The following GNG4 variants were observed in gnomAD, a reference collection of about 807,000 sequenced individuals.
GNG4 encodes guanine nucleotide-binding protein G(I)/G(S)/G(O) subunit gamma-4.
GNG4 carries 4 observed loss-of-function variants against 5.8 expected under a neutral mutation model. The ratio of observed to expected loss-of-function variants is 0.69; its 90% CI spans 0.34 to 1.57. The LOEUF is 1.57. GNG4 is among the 40% of genes most tolerant of loss of function. The pLI is 0.06. For synonymous variants in GNG4, 29 were observed against 32.9 expected (o/e 0.88, Z 0.41); for missense variants, 96 against 95.1 (o/e 1.01, Z -0.04).
chr1:235,594,576 G>A (rs57543963), intron 2 of GNG4, among the ~76,000 whole-genome samples: 32,204 of 152,196 alleles, frequency 0.21, 3,868 homozygotes, highest in Middle Eastern at 0.3. Context: ...GCCCTGCCCC[G>A]CAGGGAGGCA....
At chr1:235,630,997 C>T (rs1191750210) in intron 1 of GNG4, among the ~76,000 whole-genome samples, 1 of 151,966 alleles carries the variant, frequency 6.6e-6, no homozygotes, top group African/African-American at 2.4e-5. Flanking sequence ...CTCCCAGGTT[C>T]AAGCGATTCT....
intron 1 of GNG4, among the ~76,000 whole-genome samples, chr1:235,607,659 G>A (rs74148724): frequency 3.9e-5 from 6 of 152,166 alleles, no homozygotes; most frequent in Non-Finnish European, 8.8e-5. Flanking sequence ...ATCCATCCAC[G>A]CCGCCCAGCC....
intron 3 of GNG4, among the ~76,000 whole-genome samples, chr1:235,567,420 C>T (rs534795903): frequency 6.6e-6 from 1 of 152,216 alleles, no homozygotes; most frequent in Admixed American, 6.5e-5. Context: ...CATCCGTCTC[C>T]AGAACTTGCA....
intron 2 of GNG4, among the ~76,000 whole-genome samples, chr1:235,590,284 C>T (rs370864970): frequency 1.3e-5 from 2 of 152,082 alleles, no homozygotes; most frequent in African/African-American, 2.4e-5. Flanking sequence ...GTGAAATCCC[C>T]TCTTTACTAA....
At chr1:235,606,022 C>T (rs1276312111) in intron 1 of GNG4, among the ~76,000 whole-genome samples, 2 of 151,814 alleles carry the variant, frequency 1.3e-5, no homozygotes, top group South Asian at 2.1e-4. Context: ...GATCCTCTGG[C>T]CTCAGCCTCC....
At chr1:235,587,149 T>A (rs1687777957) in intron 2 of GNG4, among the ~76,000 whole-genome samples, 1 of 137,738 alleles carries the variant, frequency 7.3e-6, no homozygotes, top group African/African-American at 2.8e-5. Context: ...TGTGAAAGTG[T>A]GGGGTGGGGG....
At chr1:235,573,071 C>T (rs1687384778) in intron 3 of GNG4, among the ~76,000 whole-genome samples, 1 of 152,010 alleles carries the variant, frequency 6.6e-6, no homozygotes, top group Non-Finnish European at 1.5e-5. Flanking sequence ...AGACTTGGAA[C>T]CAACCCAAAT....
chr1:235,560,646 G>A (rs1008712825), intron 3 of GNG4, among the ~76,000 whole-genome samples: 2 of 152,218 alleles, frequency 1.3e-5, no homozygotes, highest in Admixed American at 6.5e-5. Context: ...ACACGAAGAA[G>A]TTTCTCAGAA....
intron 3 of GNG4, among the ~76,000 whole-genome samples, chr1:235,568,155 G>GC (rs1687245922): frequency 6.7e-5 from 5 of 75,024 alleles, no homozygotes. Context: ...TAATAAATCT[G>GC]CTTTTTTTTT....
At chr1:235,615,118 A>G (rs922349138) in intron 1 of GNG4, 2 of 152,194 alleles carry the variant, frequency 1.3e-5, no homozygotes, top group African/African-American at 2.4e-5. Context: ...GCTGAGCACA[A>G]TTGAAGTGTG....
chr1:235,619,018 G>C (rs1033219740), intron 1 of GNG4, among the ~76,000 whole-genome samples: 2 of 150,342 alleles, frequency 1.3e-5, no homozygotes, highest in Admixed American at 1.3e-4. Flanking sequence ...GGCAGCATCA[G>C]CTGGGTGTGG....
intron 3 of GNG4, among the ~76,000 whole-genome samples, chr1:235,583,337 T>G (rs752219989): frequency 3.3e-5 from 5 of 152,202 alleles, no homozygotes; most frequent in Non-Finnish European, 5.9e-5. Context: ...CACCCAGGCA[T>G]GGTTCAGAGC....
intron 3 of GNG4, among the ~76,000 whole-genome samples, chr1:235,577,366 C>T (rs1687511815): frequency 6.6e-6 from 1 of 152,184 alleles, no homozygotes; most frequent in Non-Finnish European, 1.5e-5. Flanking sequence ...TGCACATTCA[C>T]CTGCTAGGCA....
rs1041679280 is a variant in GNG4 at position 235,644,851 on chromosome 1, C to T, written c.-123+4811G>A. Among the ~76,000 whole-genome samples, 3 of 152,114 alleles carry T rather than the reference C, an allele frequency of 2.0e-5. No individual in the cohort carries two copies. Among genetic ancestry groups the T allele is most frequent in the Non-Finnish European group, 4.4e-5 (3 of 68,022 alleles). On this transcript the variant is annotated intron_variant, in intron 1 of 3. Transcript: ENST00000391854. This position sits in a 1 kb window ranked among gnomAD's most constrained non-coding sequence, Gnocchi z 5.9. The stretch of plus-strand genomic sequence containing the variant: ...CCTCAGATCGGGCTGGAGAGACATC[C>T]AGGAGGAGGATGCCAGTTGTTGGGT...
chr1:235,626,785 C>G (rs1026474276), intron 1 of GNG4, among the ~76,000 whole-genome samples: 1 of 151,818 alleles, frequency 6.6e-6, no homozygotes, highest in African/African-American at 2.4e-5. Flanking sequence ...ATGGTGAAAC[C>G]CTGTCTCTAC....
chr1:235,588,239 A>T (rs1232208047), intron 2 of GNG4, among the ~76,000 whole-genome samples: 1 of 151,982 alleles, frequency 6.6e-6, no homozygotes, highest in Non-Finnish European at 1.5e-5. Flanking sequence ...CTGGAGATAA[A>T]ATAAGCGGGT....
rs531961043 is a variant in GNG4, at chr1:235,581,685, A to G, written c.99+2055T>C. On this transcript the variant is annotated intron_variant, in intron 3 of 3. Coordinates refer to ENST00000391854, the MANE Select transcript of GNG4 (RefSeq NM_001098722.2). ...CAGATACAGGCATCATGCTTGCTGG[A>G]CCACCTGTGGAACCACAGGCCAATT... is the stretch of plus-strand genomic sequence containing the variant. Among the ~76,000 whole-genome samples the G allele has an allele frequency of 1.7e-4, 26 of 152,080 alleles. No individual in the cohort carries two copies. In the East Asian group the frequency reaches 4.6e-3, roughly 27 times the overall value.
chr1:235,589,347 G>T (rs189701636), intron 2 of GNG4, among the ~76,000 whole-genome samples: 414 of 152,252 alleles, frequency 2.7e-3, no homozygotes, highest in South Asian at 6.4e-3. Flanking sequence ...TGCTGACCCC[G>T]AAGGCAGGGG....
At chr1:235,637,653 CAAAA>C (rs5781837) in intron 1 of GNG4, among the ~76,000 whole-genome samples, 22,906 of 116,244 alleles carry the variant, frequency 0.2, 1,960 homozygotes, top group South Asian at 0.31. Context: ...GACCTTGTCT[CAAAA>C]AAAAAAAAAA....
Sources: gnomAD v4.1 joint callset for allele counts (sites outside exome capture counted in the v4.1 genomes callset) on GRCh38, gnomAD v4.1.1 for gene constraint, Gnocchi (gnomAD v3.1) non-coding constraint, MANE v1.5 for transcripts, NCBI Gene and HGNC (gene_info 2026-07-23, HGNC 2026-07-21) for gene names.